Variants in RBFOX1 observed in about 807,000 individuals in gnomAD.
The protein encoded by RBFOX1 is RNA binding fox-1 homolog 1, also known as RNA binding protein fox-1 homolog 1.
A neutral mutation model predicts 57.7 loss-of-function variants in RBFOX1; 8 were observed. The observed-to-expected ratio is 0.14, with a 90% confidence interval of 0.08 to 0.25. RBFOX1 has a LOEUF of 0.25. RBFOX1 is among the 10% of genes least tolerant of loss of function. The pLI is 1.00. For synonymous variants in RBFOX1, 326 were observed against 222.4 expected, an observed-to-expected ratio of 1.47 and a Z score of -4.15; for missense variants, 611 against 548.5, an observed-to-expected ratio of 1.11 and a Z score of -1.14.
chr16:5,506,194 G>T (rs1001424678), intron 2 of RBFOX1, among the ~76,000 whole-genome samples: 1 of 151,826 alleles, frequency 6.6e-6, no homozygotes, highest in Non-Finnish European at 1.5e-5. Flanking sequence ...CTTTCTGAAG[G>T]CAGGGTTCCC....
At chr16:5,660,770 C>T (rs975824158) in intron 3 of RBFOX1, among the ~76,000 whole-genome samples, 2 of 152,012 alleles carry the variant, frequency 1.3e-5, no homozygotes, top group African/African-American at 2.4e-5. Context: ...CCTGCTATGC[C>T]GGAGAGGTGA....
At chr16:5,842,503 G>A (rs758569647) in intron 3 of RBFOX1, among the ~76,000 whole-genome samples, 2 of 152,280 alleles carry the variant, frequency 1.3e-5, no homozygotes, top group Non-Finnish European at 2.9e-5. Context: ...TGTCATTTCA[G>A]TCCCTAAGTG....
chr16:5,672,003 C>G (rs1233767689), intron 3 of RBFOX1, among the ~76,000 whole-genome samples: 2 of 152,018 alleles, frequency 1.3e-5, no homozygotes, highest in Non-Finnish European at 2.9e-5. Flanking sequence ...CTTCAGGTAA[C>G]CCAGTTAAAT....
intron 2 of RBFOX1, among the ~76,000 whole-genome samples, chr16:5,493,835 A>C (rs544910547): frequency 2.0e-5 from 3 of 152,338 alleles, no homozygotes; most frequent in African/African-American, 7.2e-5. Flanking sequence ...TTTTTGTACC[A>C]GCGTTGGAGG....
In RBFOX1 at chr16:5,716,265, C is replaced by T. The variant is rs575398816; in HGVS notation, c.318+117304C>T. ...GGCAAAAACTGCAGTTAATTTTGTA[C>T]CAAGCTAATAAGTTCAGGGGTGCAA... On this transcript the variant is annotated intron_variant, in intron 3 of 19. Transcript: ENST00000641259. 2.0e-5 allele frequency among the ~76,000 whole-genome samples: 3 copies of T among 152,202 alleles called. No individual in the cohort carries two copies. In the South Asian group the frequency reaches 6.2e-4, roughly 32 times the overall value.
At chr16:6,612,063 C>G (rs1420499835) in intron 2 of RBFOX1, among the ~76,000 whole-genome samples, 4 of 152,110 alleles carry the variant, frequency 2.6e-5, no homozygotes, top group Admixed American at 2.6e-4. Flanking sequence ...TTGCATTATT[C>G]TAATATATTT....
chr16:6,321,786 A>G (rs1045702407), intron 2 of RBFOX1, among the ~76,000 whole-genome samples: 12 of 152,210 alleles, frequency 7.9e-5, no homozygotes, highest in Non-Finnish European at 1.5e-5. Context: ...TAGATGAAAT[A>G]CTGGTATGGG....
intron 2 of RBFOX1, among the ~76,000 whole-genome samples, chr16:5,495,586 C>G (rs1445171286): frequency 6.6e-6 from 1 of 152,198 alleles, no homozygotes; most frequent in Admixed American, 6.5e-5. Context: ...TGAGAAGACC[C>G]TGAAAACTGG....
At chr16:7,606,746 A>G (rs1009510890) in intron 9 of RBFOX1, among the ~76,000 whole-genome samples, 1 of 152,220 alleles carries the variant, frequency 6.6e-6, no homozygotes, top group Non-Finnish European at 1.5e-5. Context: ...ATGCATCAAA[A>G]TGTAGGCCAC....
intron 1 of RBFOX1, among the ~76,000 whole-genome samples, chr16:6,237,133 T>C (rs2097511047): frequency 6.6e-6 from 1 of 152,230 alleles, no homozygotes; most frequent in Admixed American, 6.5e-5. Flanking sequence ...TACTAAAATC[T>C]TACTGGAAGT....
At chr16:7,648,597 A>G (rs1316282445) in intron 11 of RBFOX1, among the ~76,000 whole-genome samples, 1 of 152,174 alleles carries the variant, frequency 6.6e-6, no homozygotes, top group East Asian at 1.9e-4. Context: ...TGGAATTATC[A>G]AGATTGTTAT....
chr16:6,389,815 G>C (rs2092502987), intron 2 of RBFOX1, among the ~76,000 whole-genome samples: 1 of 152,140 alleles, frequency 6.6e-6, no homozygotes, highest in African/African-American at 2.4e-5. Flanking sequence ...CTATGGACTG[G>C]TAAGGCTCAG....
chr16:6,069,039 AGGAAG>A (rs2095802241), intron 1 of RBFOX1, among the ~76,000 whole-genome samples: 1 of 152,080 alleles, frequency 6.6e-6, no homozygotes, highest in South Asian at 2.1e-4. Flanking sequence ...GAAGGGAGAA[AGGAAG>A]GGAAGGAGAG....
chr16:7,135,809 T>C (rs2071770907), intron 4 of RBFOX1, among the ~76,000 whole-genome samples: 1 of 152,366 alleles, frequency 6.6e-6, no homozygotes, highest in South Asian at 2.1e-4. Flanking sequence ...ATTCCACTTA[T>C]TTCTAGTCTT....
At chr16:6,824,083 G>T (rs1339164329) in intron 3 of RBFOX1, among the ~76,000 whole-genome samples, 2 of 152,184 alleles carry the variant, frequency 1.3e-5, no homozygotes, top group East Asian at 3.8e-4. Context: ...TGTAGTAATG[G>T]AATGGTGAAG....
intron 2 of RBFOX1, among the ~76,000 whole-genome samples, chr16:5,536,384 G>T (rs549564912): frequency 6.6e-6 from 1 of 151,776 alleles, no homozygotes; most frequent in African/African-American, 2.4e-5. Context: ...ACAGGTGCCC[G>T]CCACCATGCC....
Position 6,649,364 on chromosome 16 carries a change from G to T in RBFOX1, c.-63-5239G>T, listed in dbSNP as rs544258998. 4.6e-5 allele frequency among the ~76,000 whole-genome samples: 7 copies of T among 152,096 alleles called. No individual in the cohort carries two copies. The East Asian group carries it at 1.4e-3, about 29-fold the overall frequency. ...TTCCTTGATGGACACTTAGTTTTTT[G>T]CTTTTTGTTTTATTTCAGTAGGTTT... On this transcript the variant is annotated intron_variant, in intron 2 of 15. Transcript: ENST00000550418.
chr16:5,410,205 G>A (rs9940036), intron 1 of RBFOX1, among the ~76,000 whole-genome samples: 43,282 of 150,826 alleles, frequency 0.29, 6,304 homozygotes, highest in South Asian at 0.34. Context: ...CTCTACAAAA[G>A]AAAAAAACTA....
intron 1 of RBFOX1, among the ~76,000 whole-genome samples, chr16:5,367,436 T>G (rs868789378): frequency 2.0e-5 from 3 of 152,282 alleles, no homozygotes; most frequent in Non-Finnish European, 2.9e-5. Flanking sequence ...CTCTCCAAGC[T>G]GCAGGTGACA....
Sources: gnomAD v4.1 joint callset for allele counts (sites outside exome capture counted in the v4.1 genomes callset) on GRCh38, gnomAD v4.1.1 for gene constraint, MANE v1.5 for transcripts, NCBI Gene and HGNC (gene_info 2026-07-23, HGNC 2026-07-21) for gene names.